Variants in MTFR1 observed in about 807,000 individuals in gnomAD.
The protein encoded by MTFR1 is chondrocyte protein with a poly-proline region.
A neutral mutation model predicts 38.8 loss-of-function variants in MTFR1; 28 were observed. The observed-to-expected ratio is 0.72, with a 90% CI of 0.53 to 0.99. MTFR1 has a LOEUF of 0.99. MTFR1 is among the 50% of genes least tolerant of loss of function. The pLI is 0.00. For missense variants in MTFR1, 358 were observed against 395.5 expected, an observed-to-expected ratio of 0.91 and a Z score of 0.81; for synonymous variants, 145 against 137.0, an observed-to-expected ratio of 1.06 and a Z score of -0.41.
chr8:65,777,944 C>T, the MTFR1 span, among the ~76,000 whole-genome samples: 1 of 152,284 alleles, frequency 6.6e-6, no homozygotes, highest in African/African-American at 2.4e-5. Context: ...ATGTCTTTTA[C>T]CAACTTCTAG....
intron 2 of MTFR1, among the ~76,000 whole-genome samples, chr8:65,670,289 A>C (rs2129051203): frequency 6.6e-6 from 1 of 152,320 alleles, no homozygotes; most frequent in Admixed American, 6.5e-5. Flanking sequence ...AAAGGCTTAA[A>C]TAAGCAGAAA....
intron 4 of MTFR1, among the ~76,000 whole-genome samples, chr8:65,696,991 T>G (rs1805463426): frequency 7.0e-6 from 1 of 143,374 alleles, no homozygotes; most frequent in Non-Finnish European, 1.5e-5. Context: ...TGGCTTTTTT[T>G]TTTTTTTTTT....
intron 1 of MTFR1, among the ~76,000 whole-genome samples, chr8:65,660,666 A>G (rs1047163659): frequency 2.0e-5 from 3 of 152,194 alleles, no homozygotes; most frequent in East Asian, 1.9e-4. Flanking sequence ...GCATGAGCCA[A>G]TCCCTCATAA....
chr8:65,669,637 C>T (rs1457731367), intron 1 of MTFR1, among the ~76,000 whole-genome samples: 2 of 151,960 alleles, frequency 1.3e-5, no homozygotes, highest in African/African-American at 2.4e-5. Context: ...CCGCAACCTC[C>T]GCCTCCTGGG....
chr8:65,743,839 C>CTTT (rs71981429), intron 3 of MTFR1, among the ~76,000 whole-genome samples: 1 of 145,302 alleles, frequency 6.9e-6, no homozygotes, highest in Non-Finnish European at 1.5e-5. Flanking sequence ...AGCTGAATTG[C>CTTT]TTTTTTTTTT....
downstream of MTFR1, among the ~76,000 whole-genome samples, chr8:65,713,485 A>ACACAC (rs1169373621): frequency 1.9e-3 from 227 of 119,492 alleles, 2 homozygotes; most frequent in East Asian, 0.024. Flanking sequence ...CACACACACA[A>ACACAC]ACAAAACAAA....
At chr8:65,756,361 G>A (rs1209860611) in intron 3 of MTFR1, among the ~76,000 whole-genome samples, 1 of 151,816 alleles carries the variant, frequency 6.6e-6, no homozygotes, top group East Asian at 1.9e-4. Context: ...TTTCTTTCTG[G>A]GACTCCAGTG....
At chr8:65,649,571 T>C (rs1354056496) in intron 1 of MTFR1, among the ~76,000 whole-genome samples, 1 of 152,218 alleles carries the variant, frequency 6.6e-6, no homozygotes, top group African/African-American at 2.4e-5. Context: ...AGGCATATAA[T>C]GTGTAATAAT....
intron 2 of MTFR1, chr8:65,682,142 A>C (rs1029073595): frequency 4.2e-6 from 1 of 236,400 alleles, no homozygotes; most frequent in Non-Finnish European, 8.0e-6. Flanking sequence ...TTTACATTAA[A>C]CTTTATTGAA....
intron 2 of MTFR1, among the ~76,000 whole-genome samples, chr8:65,670,881 T>C (rs1179649925): frequency 1.3e-5 from 2 of 152,018 alleles, no homozygotes; most frequent in African/African-American, 4.8e-5. Context: ...ATTTTTGTAT[T>C]TTTTAGTAGA....
chr8:65,739,574 A>G (rs377027022), intron 3 of MTFR1: 1 of 1,553,556 alleles, frequency 6.4e-7, no homozygotes, highest in Admixed American at 2.1e-5. Context: ...AATAAATGAA[A>G]GGTTAAGCTT....
chr8:65,735,270 C>T (rs1465438766), intron 3 of MTFR1, among the ~76,000 whole-genome samples: 1 of 152,140 alleles, frequency 6.6e-6, no homozygotes, highest in East Asian at 1.9e-4. Context: ...TCTGCACTTG[C>T]TTCCGTCCCA....
chr8:65,718,495 A>G (rs1434190782), intron 2 of MTFR1: 1 of 152,256 alleles, frequency 6.6e-6, no homozygotes, highest in African/African-American at 2.4e-5. Flanking sequence ...ACAACATGCA[A>G]TGTCTTCACT....
In MTFR1 at chr8:65,695,532, T is replaced by C. The variant is rs141019394; in HGVS notation, c.281+1773T>C. 6.1e-3 allele frequency among the ~76,000 whole-genome samples: 928 copies of C among 152,260 alleles called. 10 individuals are homozygous for C. The highest frequency in any genetic ancestry group is 0.022 in the African/African-American group (896 of 41,546). ...CCATGATGCCCAGCTGATTTTTGTA[T>C]TTTTAGTAGAGACGGGGTTTCACCA... On this transcript the variant is annotated intron_variant, in intron 4 of 7. Transcript: ENST00000262146.
chr8:65,647,795 T>C (rs1452742862), intron 1 of MTFR1, among the ~76,000 whole-genome samples: 1 of 61,716 alleles, frequency 1.6e-5, no homozygotes, highest in African/African-American at 9.6e-5. Context: ...TTACACAATT[T>C]AGATAAGCAA....
the MTFR1 span, among the ~76,000 whole-genome samples, chr8:65,776,264 T>C: frequency 6.6e-6 from 1 of 152,216 alleles, no homozygotes; most frequent in Non-Finnish European, 1.5e-5. Context: ...AAATCAAATA[T>C]CCATATATGT....
At chr8:65,684,437 G>A (rs1003930966) in intron 3 of MTFR1, among the ~76,000 whole-genome samples, 1 of 151,344 alleles carries the variant, frequency 6.6e-6, no homozygotes, top group Non-Finnish European at 1.5e-5. Flanking sequence ...CTAGGCTGGA[G>A]TGCAATGGCA....
chr8:65,681,523 C>T (rs1804887624), intron 2 of MTFR1, among the ~76,000 whole-genome samples: 1 of 152,160 alleles, frequency 6.6e-6, no homozygotes, highest in Non-Finnish European at 1.5e-5. Flanking sequence ...CCTTTCTTTA[C>T]TTATTCTGTC....
chr8:65,737,703 G>C (rs1021358463), intron 3 of MTFR1, among the ~76,000 whole-genome samples: 1 of 152,096 alleles, frequency 6.6e-6, no homozygotes, highest in Non-Finnish European at 1.5e-5. Context: ...ATTTTTAGTA[G>C]AGACGGGGTT....
Sources: gnomAD v4.1 joint callset for allele counts (sites outside exome capture counted in the v4.1 genomes callset) on GRCh38, gnomAD v4.1.1 for gene constraint, MANE v1.5 for transcripts, NCBI Gene and HGNC (gene_info 2026-07-23, HGNC 2026-07-21) for gene names.